ANKRD24: variants seen among roughly 807,000 people sequenced by gnomAD.
ANKRD24 encodes the protein ankyrin repeat domain-containing protein 24.
Under a neutral mutation model 127.8 loss-of-function variants are expected in ANKRD24, and 109 were observed. That is an observed-to-expected ratio of 0.85 (90% CI 0.73 to 1.00). ANKRD24 has a LOEUF of 1.00. Ranked by LOEUF, ANKRD24 falls within the 50% of genes least tolerant of loss-of-function variation. The pLI is 0.00. For missense variants in ANKRD24, 1,648 were observed against 1,570.2 expected, an observed-to-expected ratio of 1.05 and a Z score of -0.84; for synonymous variants, 743 against 671.1, an observed-to-expected ratio of 1.11 and a Z score of -1.66.
chr19:4,197,097 G>T (rs989123931), intron 2 of ANKRD24, among the ~76,000 whole-genome samples: 19 of 152,116 alleles, frequency 1.2e-4, no homozygotes, highest in African/African-American at 4.6e-4. Flanking sequence ...GTAACCCTCC[G>T]CAGTAGGAAC....
chr19:4,223,627 C>T (rs906386018), intron 20 of ANKRD24, among the ~76,000 whole-genome samples: 65 of 151,270 alleles, frequency 4.3e-4, no homozygotes, highest in African/African-American at 1.4e-3. Context: ...GTGCAGTGCA[C>T]GATCTCAGCT....
At chr19:4,200,252 C>A in intron 5 of ANKRD24, 81 bp downstream of exon 5, 1 of 1,410,058 alleles carries the variant, frequency 7.1e-7, no homozygotes, top group Non-Finnish European at 9.5e-7. Flanking sequence ...ACCCTGCTCC[C>A]AGGTCTCAAT....
chr19:4,194,122 C>T (rs1968561423), intron 2 of ANKRD24, among the ~76,000 whole-genome samples: 1 of 151,894 alleles, frequency 6.6e-6, no homozygotes, highest in Non-Finnish European at 1.5e-5. Flanking sequence ...AGGGCTTGGC[C>T]CCGAAAAAAC....
rs1313981908 is a variant in ANKRD24 at position 4,217,526 on chromosome 19, C to T, written c.2366C>T (p.Ala789Val). The T allele has an allele frequency of 2.4e-5, 33 of 1,364,088 alleles. No individual in the cohort carries two copies. The East Asian group carries it at 6.4e-4, about 27-fold the overall frequency. 84.5% of individuals were successfully genotyped at this position (1,364,088 alleles called of 1,614,324 possible). Residue 789 changes from alanine to valine, a missense_variant, in exon 18 of 22, where the codon GCG becomes GTG. Transcript: ENST00000318934. ...GGCGGTGACACCACACAGCTGCGGG[C>T]GGCCCTGGAGCAGGCCCGGGAGGAC... The part of the protein sequence containing the change: ...GGGGDTTQLR[A>V]ALEQAREDLR...
chr19:4,191,552 G>T (rs1490448805), intron 2 of ANKRD24, among the ~76,000 whole-genome samples: 2 of 151,926 alleles, frequency 1.3e-5, no homozygotes, highest in African/African-American at 2.4e-5. Flanking sequence ...CATGATCTCG[G>T]CTCACTGCAA....
chr19:4,211,861 T>C (rs983563866), intron 13 of ANKRD24, among the ~76,000 whole-genome samples: 2 of 151,918 alleles, frequency 1.3e-5, no homozygotes, highest in Admixed American at 6.6e-5. Context: ...CAATAAATAC[T>C]GAGTGACAGG....
chr19:4,210,441 C>T, intron 13 of ANKRD24, 69 bp downstream of exon 13: 2 of 1,315,424 alleles, frequency 1.5e-6, no homozygotes, highest in Non-Finnish European at 2.1e-6. Context: ...GAAGATCCCC[C>T]TACTTTTCTC....
In ANKRD24 at chr19:4,222,767, A is replaced by C. The variant is rs1487940761; in HGVS notation, c.3269A>C (p.Gln1090Pro). 6.2e-7 allele frequency: 1 copy of C among 1,610,874 alleles called. No individual in the cohort carries two copies. The highest frequency in any genetic ancestry group is 8.5e-7 in the Non-Finnish European group (1 of 1,177,954). The stretch of plus-strand genomic sequence containing the variant: ...CCTGAGGTGGAGGCTCTCCGTGACC[A>C]GGTGAAGGATTTACAGCAGCAGCTG... ...ATPEVEALRDQVKDLQQQLQE... is the reference protein window; with the variant it reads ...ATPEVEALRDPVKDLQQQLQE... Residue 1090 changes from glutamine (Q) to proline (P), a missense_variant, in exon 20 of 22, where the codon CAG becomes CCG. Transcript: ENST00000318934.
intron 18 of ANKRD24, among the ~76,000 whole-genome samples, chr19:4,218,935 CTTT>C (rs1302336408): frequency 1.4e-5 from 2 of 147,896 alleles, no homozygotes; most frequent in Non-Finnish European, 2.9e-5. Context: ...GCTCGTCTAA[CTTT>C]TTAATTTTTT....
chr19:4,219,270 A>G (rs1464569906), intron 18 of ANKRD24, among the ~76,000 whole-genome samples: 1 of 150,274 alleles, frequency 6.7e-6, no homozygotes, highest in Admixed American at 6.7e-5. Context: ...TAGGCGACAG[A>G]GCAAGACTCT....
Position 4,198,952 on chromosome 19 carries a change from C to T in ANKRD24, c.37-731C>T, listed in dbSNP as rs1478787830. On this transcript the variant is annotated intron_variant, in intron 2 of 21. Coordinates refer to ENST00000318934, the MANE Select transcript of ANKRD24 (RefSeq NM_001393985.1). This position sits in a 1 kb window ranked among gnomAD's most constrained non-coding sequence, Gnocchi z 6.1. ...TTTGGAGGATATTTTTGGGACATGA[C>T]GGTATCATTGGGAAGGATGGTTTTA... Among the ~76,000 whole-genome samples the T allele has an allele frequency of 6.6e-6, 1 of 151,912 alleles. No individual in the cohort carries two copies. Among genetic ancestry groups the T allele is most frequent in the Non-Finnish European group, 1.5e-5 (1 of 67,990 alleles).
rs1426992787 is a variant in ANKRD24, at chr19:4,218,163, G to A, written c.3003G>A (p.Gln1001=). Residue 1001 remains glutamine, a splice_region_variant and synonymous_variant, in exon 18 of 22, where the codon CAG becomes CAA. Transcript: ENST00000318934. ...RHEKTSAEVF[Q]VQREALFMKS... is the part of the protein sequence containing the mutation. Reference sequence around the variant, plus strand: ...AGAAGACCAGCGCAGAGGTCTTCCAGGTGAGCAGGGCTGGTCACCACCCGG... The same window carrying A: ...AGAAGACCAGCGCAGAGGTCTTCCAAGTGAGCAGGGCTGGTCACCACCCGG... The A allele has an allele frequency of 6.7e-7, 1 of 1,491,172 alleles. No individual in the cohort carries two copies. Among genetic ancestry groups the A allele is most frequent in the Non-Finnish European group, 8.9e-7 (1 of 1,119,208 alleles). The allele number at this position is 1,491,172 out of a possible 1,614,324, so 92.4% of individuals were successfully genotyped here. A position where few individuals can be genotyped will look rare whatever the true frequency, so the allele number is the denominator to read the frequency against.
chr19:4,194,632 C>A (rs1968594941), intron 2 of ANKRD24, among the ~76,000 whole-genome samples: 1 of 152,114 alleles, frequency 6.6e-6, no homozygotes, highest in African/African-American at 2.4e-5. Flanking sequence ...TCTCTGGAGG[C>A]TTTTGTGCAG....
intron 15 of ANKRD24, among the ~76,000 whole-genome samples, chr19:4,215,273 G>A (rs911087647): frequency 6.6e-6 from 1 of 152,178 alleles, no homozygotes; most frequent in African/African-American, 2.4e-5. Context: ...ATCACCTGAG[G>A]TCAGGAGTCC....
chr19:4,182,849 T>C (rs910408289), intron 1 of ANKRD24, 109 bp downstream of exon 1: 2 of 613,698 alleles, frequency 3.3e-6, no homozygotes, highest in Admixed American at 6.3e-5. Flanking sequence ...ACACAGGCTA[T>C]CCATGTCCCC....
Position 4,200,190 on chromosome 19 carries a change from C to T in ANKRD24, c.343+19C>T, listed in dbSNP as rs552881303. The T allele has an allele frequency of 2.8e-5, 44 of 1,578,772 alleles. No homozygotes were observed. Among genetic ancestry groups the T allele is most frequent in the Middle Eastern group, 3.7e-4 (2 of 5,344 alleles). ...GGGGCAGGTACTGCCAGCTGGGCCC[C>T]GGGGAGGGAGGAGGAACTAAGCCCA... On this transcript the variant is annotated intron_variant, in intron 5 of 21. Transcript: ENST00000318934.
chr19:4,194,575 C>T (rs1444810889), intron 2 of ANKRD24, among the ~76,000 whole-genome samples: 1 of 152,164 alleles, frequency 6.6e-6, no homozygotes, highest in African/African-American at 2.4e-5. Context: ...AGGCAGTGGG[C>T]AGGATCTGGG....
rs1264447651 is a variant in ANKRD24 at position 4,207,248 on chromosome 19, G to A, written c.473G>A (p.Gly158Asp). ...AACCTTTTCTCTTTTGCAGCGGCTG[G>A]TGGCTGTCTCTCCTGCTCAGAGGTG... ...GWTALHHAAA[G>D]GCLSCSEVLC... The change falls in exon 8 of 22, where the codon GGT becomes GAT. Residue 158 changes from glycine (G) to aspartate (D), a missense_variant. By Grantham distance (94) the Gly-to-Asp change is moderately conservative (BLOSUM62 -1). Coordinates refer to ENST00000318934, the MANE Select transcript of ANKRD24 (RefSeq NM_001393985.1). 6.2e-7 allele frequency: 1 copy of A among 1,613,722 alleles called. No individual in the cohort carries two copies. Among genetic ancestry groups the A allele is most frequent in the South Asian group, 1.1e-5 (1 of 91,050 alleles).
At chr19:4,197,048 C>T (rs1968785416) in intron 2 of ANKRD24, among the ~76,000 whole-genome samples, 1 of 152,106 alleles carries the variant, frequency 6.6e-6, no homozygotes, top group Admixed American at 6.6e-5. Flanking sequence ...AGGCACTGGT[C>T]GACTGAGTGC....
Sources: gnomAD v4.1 joint callset for allele counts (sites outside exome capture counted in the v4.1 genomes callset) on GRCh38, gnomAD v4.1.1 for gene constraint, Gnocchi (gnomAD v3.1) non-coding constraint, MANE v1.5 for transcripts, NCBI Gene and HGNC (gene_info 2026-07-23, HGNC 2026-07-21) for gene names.